KMT2C: variants seen among roughly 807,000 people sequenced by gnomAD.
KMT2C encodes the protein histone-lysine N-methyltransferase 2C.
In KMT2C, 88 loss-of-function variants were observed where a neutral mutation model predicts 507.9. That is an observed-to-expected ratio of 0.17 (90% CI 0.15 to 0.21). The LOEUF (loss-of-function observed/expected upper bound fraction) is 0.21. Ranked by LOEUF, KMT2C falls within the 10% of genes least tolerant of loss-of-function variation. The probability of loss-of-function intolerance (pLI) is 1.00; values close to 1 mark genes in which losing one functional copy is unlikely to be tolerated. For missense variants in KMT2C, 4,954 were observed against 5,957.8 expected (o/e 0.83, Z 5.55); for synonymous variants, 2,049 against 2,080.8 (o/e 0.98, Z 0.42).
At chr7:152,297,055 C>CAGAG (rs769381866) in intron 6 of KMT2C, among the ~76,000 whole-genome samples, 2,913 of 84,262 alleles carry the variant, frequency 0.035, 83 homozygotes, top group Middle Eastern at 0.054. Context: ...GAAAGAAAGA[C>CAGAG]AGAGAGAGAG....
intron 2 of KMT2C, among the ~76,000 whole-genome samples, chr7:152,356,884 T>A (rs1446508541): frequency 2.2e-5 from 3 of 137,146 alleles, no homozygotes; most frequent in Non-Finnish European, 3.1e-5. Flanking sequence ...AGAGTGAGAC[T>A]CCAACTCAAA....
At position 152,177,062 on chromosome 7, in the gene KMT2C, C is replaced by T. The variant is rs772307170; in HGVS notation, c.8391G>A (p.Lys2797=). 15 of 1,590,256 alleles carry T rather than the reference C, an allele frequency of 9.4e-6. No individual in the cohort carries two copies. The highest frequency in any genetic ancestry group is 2.7e-5 in the African/African-American group (2 of 73,810). ...GAACCAGAGTTTTGTTTTCTTGTTC[C>T]TTTTTTTTTGGTTCAACAGATACAC... ...NQCVSVEPKK[K]EQENKTLVLS... is the part of the protein sequence containing the mutation. Residue 2797 remains lysine (K), a synonymous_variant, in exon 38 of 59, where the codon AAG becomes AAA. Transcript: ENST00000262189.
At chr7:152,288,972 T>G in intron 6 of KMT2C, among the ~76,000 whole-genome samples, 1 of 152,290 alleles carries the variant, frequency 6.6e-6, no homozygotes, top group Non-Finnish European at 1.5e-5. Flanking sequence ...CAAGAAATTG[T>G]GAGATGAATG....
At chr7:152,217,710 T>G (rs2094620470) in intron 23 of KMT2C, among the ~76,000 whole-genome samples, 1 of 152,098 alleles carries the variant, frequency 6.6e-6, no homozygotes, top group African/African-American at 2.4e-5. Context: ...TTTACCCTGA[T>G]ACGAGTCAAT....
rs2129129136 is a variant in KMT2C at position 152,194,275 on chromosome 7, A to T, written c.4508-14T>A. On this transcript the variant is annotated splice_polypyrimidine_tract_variant and intron_variant, in intron 29 of 58. Coordinates refer to ENST00000262189, the MANE Select transcript of KMT2C (RefSeq NM_170606.3). ...CAAGAATTGCTCCTAGAATAAATTA[A>T]AAAAAAAAAAGAAACATTAACAGCT... The T allele has an allele frequency of 1.5e-6, 2 of 1,375,888 alleles. No homozygotes were observed. The highest frequency in any genetic ancestry group is 1.5e-5 in the African/African-American group (1 of 66,738). The allele number at this position is 1,375,888 out of a possible 1,614,324, so 85.2% of individuals were successfully genotyped here. A position where few individuals can be genotyped will look rare whatever the true frequency, so the allele number is the denominator to read the frequency against.
intron 3 of KMT2C, among the ~76,000 whole-genome samples, chr7:152,321,372 T>C (rs2096771802): frequency 6.6e-6 from 1 of 151,338 alleles, no homozygotes; most frequent in South Asian, 2.1e-4. Context: ...ATATAAAATA[T>C]AAAATACTGA....
chr7:152,152,969 A>G lies in KMT2C; in HGVS notation c.12277-15T>C, dbSNP rs771287657. 6.2e-7 allele frequency: 1 copy of G among 1,613,114 alleles called. No individual in the cohort carries two copies. The highest frequency in any genetic ancestry group is 8.5e-7 in the Non-Finnish European group (1 of 1,179,020). On this transcript the variant is annotated splice_polypyrimidine_tract_variant and intron_variant, in intron 48 of 58. Transcript: ENST00000262189. ...CTGCTAATGTTCTAAAACCAAATGC[A>G]AATGCTGTATTATTCACCCAGAAGG...
chr7:152,366,995 G>A (rs771294183), intron 1 of KMT2C: 76 of 561,902 alleles, frequency 1.4e-4, no homozygotes, highest in South Asian at 8.6e-4. Flanking sequence ...AGCCCCGGCC[G>A]CACCCTTGCC....
chr7:152,321,687 T>TA (rs1341126150), intron 3 of KMT2C, among the ~76,000 whole-genome samples: 1 of 151,856 alleles, frequency 6.6e-6, no homozygotes, highest in East Asian at 1.9e-4. Flanking sequence ...ACAAAAAAAT[T>TA]AAATACTTAG....
intron 6 of KMT2C, among the ~76,000 whole-genome samples, chr7:152,299,392 A>T (rs2096546134): frequency 6.6e-6 from 1 of 151,426 alleles, no homozygotes; most frequent in African/African-American, 2.4e-5. Flanking sequence ...AATGGCTCAC[A>T]CCTGTAATCC....
chr7:152,266,841 T>A (rs2095866268), intron 7 of KMT2C, among the ~76,000 whole-genome samples: 1 of 152,310 alleles, frequency 6.6e-6, no homozygotes, highest in South Asian at 2.1e-4. Flanking sequence ...GGACGCTGGC[T>A]GGACCTCTGA....
intron 6 of KMT2C, among the ~76,000 whole-genome samples, chr7:152,293,596 T>C (rs542661601): frequency 6.6e-6 from 1 of 152,250 alleles, no homozygotes; most frequent in East Asian, 1.9e-4. Flanking sequence ...CCCTAAACTT[T>C]ACATTCAAGG....
chr7:152,296,880 C>T (rs1038427955), intron 6 of KMT2C, among the ~76,000 whole-genome samples: 1 of 151,718 alleles, frequency 6.6e-6, no homozygotes, highest in East Asian at 1.9e-4. Flanking sequence ...TGGCTCACAC[C>T]TGTAATCCCA....
chr7:152,417,990 T>C (rs2097756369), intron 1 of KMT2C, among the ~76,000 whole-genome samples: 1 of 144,740 alleles, frequency 6.9e-6, no homozygotes, highest in South Asian at 2.2e-4. Context: ...TCTCACTCTG[T>C]CACCTAGGCT....
chr7:152,142,450 C>T (rs2090674855), intron 55 of KMT2C, among the ~76,000 whole-genome samples: 1 of 152,110 alleles, frequency 6.6e-6, no homozygotes, highest in African/African-American at 2.4e-5. Flanking sequence ...ATAGTAACAC[C>T]AGCTACAAAT....
At chr7:152,171,437 T>G in intron 39 of KMT2C, 95 bp from the exon 40 acceptor site, 2 of 753,596 alleles carry the variant, frequency 2.7e-6, no homozygotes, top group Non-Finnish European at 4.1e-6. Flanking sequence ...AGTTTTCTCT[T>G]CCAGAGAAGA....
intron 1 of KMT2C, among the ~76,000 whole-genome samples, chr7:152,363,213 A>T (rs899815115): frequency 2.0e-5 from 3 of 152,226 alleles, no homozygotes; most frequent in African/African-American, 7.2e-5. Flanking sequence ...ACAAATGACA[A>T]CATGAAGATT....
At chr7:152,307,277 GA>G (rs2096628505) in intron 6 of KMT2C, among the ~76,000 whole-genome samples, 3 of 121,864 alleles carry the variant, frequency 2.5e-5, no homozygotes, top group East Asian at 2.4e-4. Context: ...AAGGAAGAAA[GA>G]AAGGAAGGAA....
intron 6 of KMT2C, among the ~76,000 whole-genome samples, chr7:152,297,799 A>G (rs1435664960): frequency 1.3e-5 from 2 of 152,252 alleles, no homozygotes; most frequent in Non-Finnish European, 2.9e-5. Context: ...AAAGATTACC[A>G]GGCATAAAAA....
Sources: allele counts gnomAD v4.1 joint callset (sites outside exome capture counted in the v4.1 genomes callset), GRCh38; gene constraint gnomAD v4.1.1; transcripts MANE v1.5; gene names NCBI Gene and HGNC (gene_info 2026-07-23, HGNC 2026-07-21).